THRB: variants seen among roughly 807,000 people sequenced by gnomAD.
THRB encodes the protein thyroid hormone receptor beta, also known as nuclear receptor subfamily 1 group A member 2.
Under a neutral mutation model 47.8 loss-of-function variants are expected in THRB, and 12 were observed. The ratio of observed to expected loss-of-function variants is 0.25; its 90% CI spans 0.16 to 0.41. The LOEUF (loss-of-function observed/expected upper bound fraction) is 0.41, where lower values mean the gene tolerates loss of function less well. Among genes scored for constraint, THRB ranks in the 10% least tolerant of loss-of-function variants. THRB has a pLI of 1.00. For missense variants in THRB, 348 were observed against 589.2 expected, an observed-to-expected ratio of 0.59 and a Z score of 4.24; for synonymous variants, 218 against 212.2, an observed-to-expected ratio of 1.03 and a Z score of -0.24.
chr3:24,362,084 C>T (rs1015438510), intron 1 of THRB, among the ~76,000 whole-genome samples: 2 of 152,100 alleles, frequency 1.3e-5, no homozygotes, highest in Admixed American at 6.6e-5. Context: ...AAACACCTTA[C>T]GTATTATATC....
At chr3:24,170,126 T>C (rs2040234441) in intron 5 of THRB, among the ~76,000 whole-genome samples, 2 of 152,122 alleles carry the variant, frequency 1.3e-5, no homozygotes, top group South Asian at 4.1e-4. Flanking sequence ...ATCTCCAACT[T>C]AATTCTTTCT....
intron 5 of THRB, among the ~76,000 whole-genome samples, chr3:24,173,231 G>C (rs1439410522): frequency 1.3e-5 from 2 of 152,162 alleles, no homozygotes; most frequent in Admixed American, 1.3e-4. Flanking sequence ...AGTTGCTCTA[G>C]CTAGTCTGTG....
At chr3:24,183,068 G>GA (rs1160691915) in intron 5 of THRB, among the ~76,000 whole-genome samples, 1 of 151,686 alleles carries the variant, frequency 6.6e-6, no homozygotes, top group Non-Finnish European at 1.5e-5. Context: ...AAGAGTCTGA[G>GA]AAAAAAAATA....
At chr3:24,284,446 A>AC (rs1335455199) in intron 3 of THRB, among the ~76,000 whole-genome samples, 5 of 151,546 alleles carry the variant, frequency 3.3e-5, no homozygotes, top group African/African-American at 1.2e-4. Context: ...TGGATTAAAG[A>AC]TTTAAACGTT....
intron 4 of THRB, among the ~76,000 whole-genome samples, chr3:24,219,588 G>C (rs751720999): frequency 2.0e-5 from 3 of 152,222 alleles, no homozygotes; most frequent in Non-Finnish European, 4.4e-5. Flanking sequence ...GTCCTCAGGA[G>C]TAGAGCATCA....
chr3:24,390,797 A>AAT (rs1553743105), intron 1 of THRB, among the ~76,000 whole-genome samples: 11,077 of 137,722 alleles, frequency 0.08, 653 homozygotes, highest in African/African-American at 0.16. Flanking sequence ...AAAAAAAAAA[A>AAT]ATATATATAT....
intron 8 of THRB, among the ~76,000 whole-genome samples, chr3:24,138,835 T>G (rs1246561084): frequency 1.3e-5 from 2 of 152,180 alleles, no homozygotes; most frequent in African/African-American, 4.8e-5. Context: ...AGGGAAAAAG[T>G]AGGAAAGGTC....
At chr3:24,426,075 G>A (rs1359967500) in intron 1 of THRB, among the ~76,000 whole-genome samples, 9 of 151,822 alleles carry the variant, frequency 5.9e-5, no homozygotes, top group Non-Finnish European at 1.0e-4. Context: ...TGGTTGTAAG[G>A]ATTAAATAAG....
chr3:24,231,387 G>A (rs1172315494), intron 3 of THRB, among the ~76,000 whole-genome samples: 1 of 151,796 alleles, frequency 6.6e-6, no homozygotes. Flanking sequence ...ATCTAGGAAT[G>A]GAAAAAATCT....
chr3:24,150,538 C>A (rs1288626393), intron 6 of THRB, among the ~76,000 whole-genome samples: 2 of 152,104 alleles, frequency 1.3e-5, no homozygotes, highest in African/African-American at 2.4e-5. Context: ...CTCAGCTGAT[C>A]CAGGCTCCAA....
chr3:24,283,829 A>C (rs2054915426), intron 3 of THRB, among the ~76,000 whole-genome samples: 1 of 152,074 alleles, frequency 6.6e-6, no homozygotes, highest in Non-Finnish European at 1.5e-5. Flanking sequence ...TCCCATTCAC[A>C]ATTGCTACAA....
intron 3 of THRB, among the ~76,000 whole-genome samples, chr3:24,275,557 C>A (rs1048544755): frequency 6.6e-6 from 1 of 152,160 alleles, no homozygotes; most frequent in Non-Finnish European, 1.5e-5. Flanking sequence ...TTTGGAGAGC[C>A]ATGTTTTGCC....
intron 4 of THRB, among the ~76,000 whole-genome samples, chr3:24,207,384 A>G (rs576079070): frequency 9.9e-5 from 15 of 152,284 alleles, no homozygotes; most frequent in African/African-American, 3.4e-4. Flanking sequence ...AACAGAACCA[A>G]TGACAAAAAC....
At chr3:24,258,111 G>A (rs1559754203) in intron 3 of THRB, among the ~76,000 whole-genome samples, 4 of 152,200 alleles carry the variant, frequency 2.6e-5, no homozygotes. Context: ...AGAAGAGAGG[G>A]AGGAGAATGA....
chr3:24,332,243 C>T (rs2061975415), intron 2 of THRB, among the ~76,000 whole-genome samples: 1 of 152,114 alleles, frequency 6.6e-6, no homozygotes, highest in African/African-American at 2.4e-5. Flanking sequence ...GGCTAGCACC[C>T]CAGCAGTTAC....
At position 24,209,506 on chromosome 3, in the gene THRB, A is replaced by G. The variant is rs992811761; in HGVS notation, c.23-19172T>C. ...GTACACTATGCAGCCATAAAAAAGG[A>G]TAAGTTCATGTCCTTTGTAGGGACA... On this transcript the variant is annotated intron_variant, in intron 4 of 10. Coordinates refer to ENST00000646209, the MANE Select transcript of THRB (RefSeq NM_001354712.2). Among the ~76,000 whole-genome samples, 7 of 152,340 alleles carry G rather than the reference A, an allele frequency of 4.6e-5. 1 individual carries two copies. The South Asian group carries it at 8.3e-4, about 18-fold the overall frequency.
At chr3:24,189,238 G>A (rs757166679) in intron 5 of THRB, among the ~76,000 whole-genome samples, 6 of 151,988 alleles carry the variant, frequency 3.9e-5, no homozygotes, top group Non-Finnish European at 8.8e-5. Flanking sequence ...ACTTTACCAT[G>A]AGTCACAATC....
At chr3:24,424,782 C>A (rs1354952645) in intron 1 of THRB, among the ~76,000 whole-genome samples, 1 of 151,856 alleles carries the variant, frequency 6.6e-6, no homozygotes, top group South Asian at 2.1e-4. Flanking sequence ...CTTTAATTCA[C>A]TTTTATTGTG....
At chr3:24,125,336 G>C (rs556575489) in intron 10 of THRB, among the ~76,000 whole-genome samples, 1 of 152,164 alleles carries the variant, frequency 6.6e-6, no homozygotes, top group African/African-American at 2.4e-5. Flanking sequence ...GCACCACACC[G>C]AATCTCTCTC....
Sources: allele counts gnomAD v4.1 joint callset (sites outside exome capture counted in the v4.1 genomes callset), GRCh38; gene constraint gnomAD v4.1.1; transcripts MANE v1.5; gene names NCBI Gene and HGNC (gene_info 2026-07-23, HGNC 2026-07-21).